PCGF5: variants seen among roughly 807,000 people sequenced by gnomAD.
The protein encoded by PCGF5 is polycomb group ring finger 5.
Under a neutral mutation model 44.3 loss-of-function variants are expected in PCGF5, and 9 were observed. The observed-to-expected ratio is 0.20, with a 90% CI of 0.12 to 0.35. PCGF5 has a LOEUF of 0.35. Ranked by LOEUF, PCGF5 falls within the 10% of genes least tolerant of loss-of-function variation. The probability of loss-of-function intolerance (pLI) is 1.00; values close to 1 mark genes in which losing one functional copy is unlikely to be tolerated. For synonymous variants in PCGF5, 95 were observed against 102.5 expected (o/e 0.93, Z 0.44); for missense variants, 146 against 305.3 (o/e 0.48, Z 3.89).
At chr10:91,232,859 C>T (rs959901088) in intron 2 of PCGF5, among the ~76,000 whole-genome samples, 3 of 152,158 alleles carry the variant, frequency 2.0e-5, no homozygotes, top group African/African-American at 7.2e-5. Context: ...TAGCAAGAAG[C>T]GTAATGGACT....
intron 1 of PCGF5, among the ~76,000 whole-genome samples, chr10:91,163,603 C>G (rs1029603515): frequency 6.6e-6 from 1 of 152,114 alleles, no homozygotes. Context: ...GTTTGGGGGC[C>G]GCTGGCTCGG....
intron 9 of PCGF5, among the ~76,000 whole-genome samples, chr10:91,275,500 G>A (rs777542815): frequency 2.0e-5 from 3 of 151,436 alleles, no homozygotes; most frequent in Non-Finnish European, 4.4e-5. Context: ...GAATGCAGTG[G>A]TGCGATCTTG....
At chr10:91,240,060 A>G (rs1417638094) in intron 2 of PCGF5, among the ~76,000 whole-genome samples, 1 of 152,238 alleles carries the variant, frequency 6.6e-6, no homozygotes, top group Non-Finnish European at 1.5e-5. Flanking sequence ...AAACAGGTTG[A>G]AAACTCTCAA....
At chr10:91,253,265 G>T (rs996408708) in intron 6 of PCGF5, among the ~76,000 whole-genome samples, 1 of 151,946 alleles carries the variant, frequency 6.6e-6, no homozygotes, top group African/African-American at 2.4e-5. Context: ...TTGGCGTAAG[G>T]TTATTTTGTC....
intron 1 of PCGF5, among the ~76,000 whole-genome samples, chr10:91,173,567 G>T (rs1843649733): frequency 8.6e-6 from 1 of 116,406 alleles, no homozygotes; most frequent in East Asian, 2.6e-4. Flanking sequence ...TCTTCTGCTA[G>T]AGGGAGTTGG....
intron 5 of PCGF5, 78 bp from the exon 6 acceptor site, chr10:91,251,214 T>C: frequency 8.5e-7 from 1 of 1,174,008 alleles, no homozygotes; most frequent in Admixed American, 2.7e-5. Context: ...ATTTTTGTTT[T>C]GATTATCAAT....
chr10:91,175,327 C>T (rs763503876), intron 1 of PCGF5, among the ~76,000 whole-genome samples: 2 of 152,166 alleles, frequency 1.3e-5, no homozygotes, highest in Non-Finnish European at 2.9e-5. Context: ...GCTCACAAAA[C>T]AGTGAGACTC....
Position 91,265,434 on chromosome 10 carries a change from G to A in PCGF5, c.663+914G>A, listed in dbSNP as rs138492298. ...AGATAACATCTAAGATTATCTTTTG[G>A]ACATTAAGATTCTGTGTTTATGATA... On this transcript the variant is annotated intron_variant, in intron 8 of 9. Coordinates refer to ENST00000336126, the MANE Select transcript of PCGF5 (RefSeq NM_032373.5). Among the ~76,000 whole-genome samples the A allele has an allele frequency of 4.7e-3, 722 of 152,114 alleles. 1 individual carries two copies. Among genetic ancestry groups the A allele is most frequent in the Non-Finnish European group, 7.1e-3 (480 of 67,952 alleles).
At chr10:91,231,381 G>T (rs1469185056) in intron 2 of PCGF5, among the ~76,000 whole-genome samples, 3 of 152,188 alleles carry the variant, frequency 2.0e-5, no homozygotes, top group African/African-American at 7.2e-5. Flanking sequence ...GGCCAGTGAG[G>T]TGTTACAATT....
At chr10:91,202,929 A>T (rs1260931436) in intron 1 of PCGF5, among the ~76,000 whole-genome samples, 1 of 152,244 alleles carries the variant, frequency 6.6e-6, no homozygotes, top group Non-Finnish European at 1.5e-5. Context: ...GAAAAACAGT[A>T]AAGAAATGTG....
intron 2 of PCGF5, among the ~76,000 whole-genome samples, chr10:91,238,581 A>ATTTATTTCTTTCTTTCTTTC (rs1554848485): frequency 1.4e-5 from 1 of 73,212 alleles, no homozygotes; most frequent in Non-Finnish European, 2.6e-5. Flanking sequence ...CTCCACTCTC[A>ATTTATTTCTTTCTTTCTTTC]TTTCTTTCTT....
In PCGF5 at chr10:91,283,163, A is replaced by C. The variant is rs908011823; in HGVS notation, c.*4847A>C. On this transcript the variant is annotated 3_prime_UTR_variant, in exon 10 of 10. Transcript: ENST00000336126. ...TGCAGTGATGTTTTTCCAATAATTT[A>C]AGTAATTCTCTTCCTAGTATAATAC... 1 of 152,220 alleles carries C rather than the reference A, an allele frequency of 6.6e-6. No individual in the cohort carries two copies. Among genetic ancestry groups the C allele is most frequent in the African/African-American group, 2.4e-5 (1 of 41,458 alleles). The allele number at this position is 152,220 out of a possible 1,614,324, so 9.4% of individuals were successfully genotyped here.
chr10:91,279,264 A>G lies in PCGF5; in HGVS notation c.*948A>G, dbSNP rs1846390589. 1 of 152,168 alleles carries G rather than the reference A, an allele frequency of 6.6e-6. No individual in the cohort carries two copies. The highest frequency in any genetic ancestry group is 1.5e-5 in the Non-Finnish European group (1 of 68,008). 9.4% of individuals were successfully genotyped at this position (152,168 alleles called of 1,614,324 possible). On this transcript the variant is annotated 3_prime_UTR_variant, in exon 10 of 10. Transcript: ENST00000336126. ...GCAGAGGGTTATGACGATTTTAAATATTAGGATTTTTAGAGCACATAACAT... is the reference window on the plus strand; with the variant it reads ...GCAGAGGGTTATGACGATTTTAAATGTTAGGATTTTTAGAGCACATAACAT...
At chr10:91,256,289 TAGCAAC>T (rs1845751911) in intron 6 of PCGF5, among the ~76,000 whole-genome samples, 1 of 152,100 alleles carries the variant, frequency 6.6e-6, no homozygotes, top group South Asian at 2.1e-4. Context: ...TTGAAAAGTA[TAGCAAC>T]AGAAATGAAA....
intron 1 of PCGF5, among the ~76,000 whole-genome samples, chr10:91,204,017 C>T (rs1195639701): frequency 6.6e-6 from 1 of 152,140 alleles, no homozygotes; most frequent in African/African-American, 2.4e-5. Flanking sequence ...GTTTGTGAAG[C>T]ATGACACCAC....
chr10:91,197,901 T>C (rs1844169202), intron 1 of PCGF5, among the ~76,000 whole-genome samples: 1 of 152,216 alleles, frequency 6.6e-6, no homozygotes, highest in South Asian at 2.1e-4. Context: ...CATTTTGCCA[T>C]TTAGGAAAGA....
intron 1 of PCGF5, among the ~76,000 whole-genome samples, chr10:91,177,025 A>G (rs1312937905): frequency 6.6e-6 from 1 of 151,956 alleles, no homozygotes; most frequent in Non-Finnish European, 1.5e-5. Context: ...TTTTTTCCCC[A>G]TCTTTGTGGT....
upstream of PCGF5, chr10:91,220,595 G>T: frequency 6.7e-6 from 1 of 149,704 alleles, no homozygotes; most frequent in South Asian, 1.8e-4. Context: ...CGGTGCCGCC[G>T]GTTGGAAGTG....
chr10:91,214,251 G>T (rs762952919), intron 1 of PCGF5, among the ~76,000 whole-genome samples: 1 of 151,874 alleles, frequency 6.6e-6, no homozygotes, highest in Non-Finnish European at 1.5e-5. Flanking sequence ...GCAATGAGGC[G>T]TGATTGCACC....
Sources: gnomAD v4.1 joint callset for allele counts (sites outside exome capture counted in the v4.1 genomes callset) on GRCh38, gnomAD v4.1.1 for gene constraint, MANE v1.5 for transcripts, NCBI Gene and HGNC (gene_info 2026-07-23, HGNC 2026-07-21) for gene names.